BTBD9: variants seen among roughly 807,000 people sequenced by gnomAD.
BTBD9 encodes the protein BTB/POZ domain-containing protein 9.
In BTBD9, 49 loss-of-function variants were observed where a neutral mutation model predicts 64.3. The observed-to-expected ratio is 0.76, with a 90% CI of 0.61 to 0.97. BTBD9 has a LOEUF of 0.97. Ranked by LOEUF, BTBD9 falls within the 50% of genes least tolerant of loss-of-function variation. The pLI is 0.00. For synonymous variants in BTBD9, 260 were observed against 274.7 expected (o/e 0.95, Z 0.53); for missense variants, 598 against 762.1 (o/e 0.78, Z 2.53).
Position 38,172,131 on chromosome 6 carries a change from G to A in BTBD9, c.*2854C>T, listed in dbSNP as rs1200160912. On this transcript the variant is annotated 3_prime_UTR_variant, in exon 11 of 11. Transcript: ENST00000481247. ...ATGGGGGAGCTTATCTCCCCGACCA[G>A]GGGCTTGGCCATGTCTCCTTCACAA... 1 of 152,354 alleles carries A rather than the reference G, an allele frequency of 6.6e-6. No homozygotes were observed. Among genetic ancestry groups the A allele is most frequent in the Non-Finnish European group, 1.5e-5 (1 of 68,204 alleles). The allele number at this position is 152,354 out of a possible 1,614,324, so 9.4% of individuals were successfully genotyped here. A position where few individuals can be genotyped will look rare whatever the true frequency, so the allele number is the denominator to read the frequency against.
At chr6:38,590,236 T>G (rs556922384) in intron 4 of BTBD9, among the ~76,000 whole-genome samples, 1 of 152,302 alleles carries the variant, frequency 6.6e-6, no homozygotes, top group East Asian at 1.9e-4. Context: ...GTGGTAATTC[T>G]CACACAGATA....
Position 38,189,862 on chromosome 6 carries a change from CG to C in BTBD9, c.1641+2656del, listed in dbSNP as rs1474434400. ...CTAATTTTTGTATTTTTAGCACAGACGGGGTTTTACCATGTTAGCCAGGCTG... is the reference window on the plus strand; with the variant it reads ...CTAATTTTTGTATTTTTAGCACAGACGGGTTTTACCATGTTAGCCAGGCTG... On this transcript the variant is annotated intron_variant, in intron 10 of 10. Coordinates refer to ENST00000481247, the MANE Select transcript of BTBD9 (RefSeq NM_001099272.2). Among the ~76,000 whole-genome samples, 9 of 151,798 alleles carry C rather than the reference CG, an allele frequency of 5.9e-5. No homozygotes were observed. In the East Asian group the frequency reaches 1.4e-3, roughly 23 times the overall value.
chr6:38,222,059 G>A (rs1381869414), intron 9 of BTBD9, among the ~76,000 whole-genome samples: 2 of 152,006 alleles, frequency 1.3e-5, no homozygotes, highest in Non-Finnish European at 2.9e-5. Context: ...TCCCTACAGG[G>A]TAGGGAGGAG....
At chr6:38,395,747 T>C (rs981446368) in intron 6 of BTBD9, among the ~76,000 whole-genome samples, 6 of 151,880 alleles carry the variant, frequency 4.0e-5, no homozygotes, top group African/African-American at 9.7e-5. Flanking sequence ...TCTCGGTCTG[T>C]CGCCCAGGCT....
chr6:38,588,613 T>A (rs1776653505), intron 4 of BTBD9: 3 of 277,774 alleles, frequency 1.1e-5, no homozygotes, highest in Non-Finnish European at 1.9e-5. Flanking sequence ...TGTAATGAAG[T>A]TCACAAATTT....
intron 6 of BTBD9, among the ~76,000 whole-genome samples, chr6:38,492,297 C>T (rs1374958146): frequency 6.6e-6 from 1 of 152,210 alleles, no homozygotes; most frequent in East Asian, 1.9e-4. Flanking sequence ...GAGCAGGTAA[C>T]TGAAGCTCAG....
chr6:38,189,645 C>T (rs777141348), intron 10 of BTBD9, among the ~76,000 whole-genome samples: 2 of 151,226 alleles, frequency 1.3e-5, no homozygotes, highest in East Asian at 1.9e-4. Context: ...TGCACACCAC[C>T]GTGTCTGCTA....
At chr6:38,320,783 A>G (rs1185559874) in intron 7 of BTBD9, among the ~76,000 whole-genome samples, 1 of 152,228 alleles carries the variant, frequency 6.6e-6, no homozygotes, top group Admixed American at 6.5e-5. Context: ...ACAGAAAGCC[A>G]GATTTTTCCC....
intron 8 of BTBD9, among the ~76,000 whole-genome samples, chr6:38,266,054 A>G (rs1411055785): frequency 6.6e-6 from 1 of 152,176 alleles, no homozygotes; most frequent in Non-Finnish European, 1.5e-5. Flanking sequence ...TTTTGCATAC[A>G]TTATCACATT....
chr6:38,626,421 G>A (rs1020454151), intron 1 of BTBD9, among the ~76,000 whole-genome samples: 1 of 151,854 alleles, frequency 6.6e-6, no homozygotes, highest in African/African-American at 2.4e-5. Flanking sequence ...TTTTTTGCTT[G>A]TTTGTTTGTT....
At chr6:38,445,841 AC>A (rs1250658339) in intron 6 of BTBD9, among the ~76,000 whole-genome samples, 1 of 152,214 alleles carries the variant, frequency 6.6e-6, no homozygotes, top group East Asian at 1.9e-4. Flanking sequence ...GGTGGGAAGG[AC>A]AAAAGGCCAC....
intron 1 of BTBD9, among the ~76,000 whole-genome samples, chr6:38,598,411 T>A (rs1471665731): frequency 6.6e-6 from 1 of 152,160 alleles, no homozygotes; most frequent in East Asian, 1.9e-4. Context: ...ACAGGTCTCA[T>A]ATTCCTTACA....
chr6:38,503,842 C>A (rs1484241237), intron 6 of BTBD9, among the ~76,000 whole-genome samples: 1 of 152,190 alleles, frequency 6.6e-6, no homozygotes, highest in African/African-American at 2.4e-5. Context: ...TGATTCAAAT[C>A]CATGGGCAAC....
At chr6:38,604,936 G>T (rs1777378599) in intron 1 of BTBD9, among the ~76,000 whole-genome samples, 3 of 152,260 alleles carry the variant, frequency 2.0e-5, no homozygotes, top group Admixed American at 2.0e-4. Flanking sequence ...AGGCTCAAGT[G>T]CTTTTCCCGC....
chr6:38,621,726 G>T (rs1777989506), intron 1 of BTBD9, among the ~76,000 whole-genome samples: 1 of 152,220 alleles, frequency 6.6e-6, no homozygotes, highest in Non-Finnish European at 1.5e-5. Context: ...AGGAAATCAT[G>T]GAGTTACTGC....
chr6:38,532,626 T>C (rs1447448875), intron 6 of BTBD9, among the ~76,000 whole-genome samples: 1 of 152,066 alleles, frequency 6.6e-6, no homozygotes, highest in East Asian at 1.9e-4. Context: ...GTCAGAGTCC[T>C]CAGGCCCCTT....
chr6:38,496,665 A>G (rs1470799890), intron 6 of BTBD9, among the ~76,000 whole-genome samples: 2 of 151,896 alleles, frequency 1.3e-5, no homozygotes, highest in Non-Finnish European at 2.9e-5. Flanking sequence ...TAAAAAAAAA[A>G]AAAAAAAGAG....
Position 38,563,776 on chromosome 6 carries a change from CTTTTTTTTTTTT to C in BTBD9, c.1154+13812_1154+13823del, listed in dbSNP as rs57927975. On this transcript the variant is annotated intron_variant, in intron 6 of 10. Transcript: ENST00000481247. ...TTTCCCCTTTTGTCTGCCTATCTAA[CTTTTTTTTTTTT>C]TTTTTTTTTTTGAGACGGAGTCCTG... Among the ~76,000 whole-genome samples the C allele has an allele frequency of 6.2e-5, 7 of 113,580 alleles. No individual in the cohort carries two copies. The East Asian group carries it at 1.3e-3, about 21-fold the overall frequency. 74.5% of individuals were successfully genotyped at this position (113,580 alleles called of 152,430 possible). A position where few individuals can be genotyped will look rare whatever the true frequency, so the allele number is the denominator to read the frequency against.
At chr6:38,276,552 A>T (rs1761265759) in intron 8 of BTBD9, among the ~76,000 whole-genome samples, 1 of 152,156 alleles carries the variant, frequency 6.6e-6, no homozygotes, top group South Asian at 2.1e-4. Context: ...AGCAGACTGT[A>T]TTTGTACTTC....
Sources: gnomAD v4.1 joint callset for allele counts (sites outside exome capture counted in the v4.1 genomes callset) on GRCh38, gnomAD v4.1.1 for gene constraint, MANE v1.5 for transcripts, NCBI Gene and HGNC (gene_info 2026-07-23, HGNC 2026-07-21) for gene names.